The following LRRFIP1 variants were observed in gnomAD, a reference collection of about 807,000 sequenced individuals.
LRRFIP1 encodes leucine-rich repeat flightless-interacting protein 1.
In LRRFIP1, 62 loss-of-function variants were observed where a neutral mutation model predicts 104.4. That is an observed-to-expected ratio of 0.59 (90% CI 0.48 to 0.73). The LOEUF is 0.73. Ranked by LOEUF, LRRFIP1 falls within the 30% of genes least tolerant of loss-of-function variation. The probability of loss-of-function intolerance (pLI) is 0.00; values close to 1 mark genes in which losing one functional copy is unlikely to be tolerated. For missense variants in LRRFIP1, 796 were observed against 824.5 expected, an observed-to-expected ratio of 0.97 and a Z score of 0.42; for synonymous variants, 300 against 299.0, an observed-to-expected ratio of 1.00 and a Z score of -0.03.
chr2:237,723,668 C>T, intron 7 of LRRFIP1, 82 bp downstream of exon 7: 1 of 1,546,232 alleles, frequency 6.5e-7, no homozygotes, highest in Non-Finnish European at 8.9e-7. Context: ...CCACGAATCT[C>T]ATGGGTGCTT....
chr2:237,753,523 C>A, intron 15 of LRRFIP1, 44 bp downstream of exon 15: 1 of 1,481,820 alleles, frequency 6.7e-7, no homozygotes, highest in Non-Finnish European at 9.0e-7. Context: ...AGGCTGCGTG[C>A]AGTGGCCCAT....
At chr2:237,748,799 G>A (rs1388963188) in intron 12 of LRRFIP1, among the ~76,000 whole-genome samples, 1 of 152,138 alleles carries the variant, frequency 6.6e-6, no homozygotes, top group Non-Finnish European at 1.5e-5. Flanking sequence ...GTCTGAAATC[G>A]CATCTGTGTT....
intron 1 of LRRFIP1, among the ~76,000 whole-genome samples, chr2:237,638,183 G>C (rs1179071084): frequency 6.6e-6 from 1 of 152,180 alleles, no homozygotes; most frequent in African/African-American, 2.4e-5. Context: ...TGGGAGCCAA[G>C]AGCTTATTTT....
intron 1 of LRRFIP1, among the ~76,000 whole-genome samples, chr2:237,655,081 G>A (rs566856514): frequency 6.8e-5 from 8 of 117,748 alleles, no homozygotes; most frequent in African/African-American, 2.1e-4. Context: ...ACAGAAAGAC[G>A]AATACCACGT....
intron 1 of LRRFIP1, among the ~76,000 whole-genome samples, chr2:237,704,916 T>A (rs1373919533): frequency 1.3e-5 from 2 of 152,072 alleles, no homozygotes; most frequent in Non-Finnish European, 2.9e-5. Flanking sequence ...GCAAAGGTCA[T>A]TGTTTTTTAG....
intron 1 of LRRFIP1, chr2:237,692,406 C>A: frequency 7.0e-7 from 1 of 1,438,546 alleles, no homozygotes; most frequent in Non-Finnish European, 9.2e-7. Flanking sequence ...GGGCTCCCGG[C>A]GCGGTCCCCG....
At chr2:237,657,189 G>A (rs893379260) in intron 1 of LRRFIP1, among the ~76,000 whole-genome samples, 3 of 152,152 alleles carry the variant, frequency 2.0e-5, no homozygotes, top group African/African-American at 7.2e-5. Context: ...CAGCCAGGCA[G>A]GGGAGCGAAG....
intron 8 of LRRFIP1, among the ~76,000 whole-genome samples, chr2:237,733,117 G>A (rs2095085064): frequency 6.6e-6 from 1 of 152,188 alleles, no homozygotes; most frequent in South Asian, 2.1e-4. Flanking sequence ...AATGAGTCCA[G>A]ATTCTGTCCC....
At chr2:237,709,855 A>ATT (rs112212389) in intron 2 of LRRFIP1, among the ~76,000 whole-genome samples, 24 of 144,690 alleles carry the variant, frequency 1.7e-4, no homozygotes, top group African/African-American at 2.3e-4. Context: ...TATATGTATA[A>ATT]TTTTTTTTTT....
chr2:237,739,616 T>G (rs2095354523), intron 11 of LRRFIP1, among the ~76,000 whole-genome samples: 1 of 152,214 alleles, frequency 6.6e-6, no homozygotes, highest in Non-Finnish European at 1.5e-5. Context: ...AAGTGTTACC[T>G]GTGATCAGAC....
At chr2:237,743,997 G>A (rs2057470456) in intron 11 of LRRFIP1, among the ~76,000 whole-genome samples, 1 of 152,190 alleles carries the variant, frequency 6.6e-6, no homozygotes, top group Non-Finnish European at 1.5e-5. Flanking sequence ...GAAGACAGGA[G>A]CAATGAACTC....
At chr2:237,776,548 G>A (rs535870266) in intron 23 of LRRFIP1, among the ~76,000 whole-genome samples, 85 of 152,158 alleles carry the variant, frequency 5.6e-4, no homozygotes, top group African/African-American at 1.6e-3. Context: ...AGATGATGGT[G>A]GATTTATCTC....
At chr2:237,775,459 TG>T (rs1473465243) in intron 23 of LRRFIP1, among the ~76,000 whole-genome samples, 2 of 152,174 alleles carry the variant, frequency 1.3e-5, no homozygotes, top group Admixed American at 6.5e-5. Context: ...GGACAGGACT[TG>T]GGATCCTCCT....
In LRRFIP1 at chr2:237,717,634, C is replaced by A; in HGVS notation, c.202-128C>A. On this transcript the variant is annotated intron_variant, in intron 3 of 23. Coordinates refer to ENST00000308482, the MANE Select transcript of LRRFIP1 (RefSeq NM_001137550.2). The surrounding 1 kb of genome is among the most constrained non-coding windows in gnomAD (Gnocchi z 4.2). ...CCAGGCCTGGTGCCGACTGCTTTGC[C>A]TTGGCGTGTTACCTTCACCACACGG... The A allele has an allele frequency of 1.3e-6, 1 of 792,744 alleles. No individual in the cohort carries two copies. The highest frequency in any genetic ancestry group is 1.4e-5 in the South Asian group (1 of 72,298). The allele number at this position is 792,744 out of a possible 1,614,324, so 49.1% of individuals were successfully genotyped here.
chr2:237,745,599 C>A (rs924320221), intron 11 of LRRFIP1, among the ~76,000 whole-genome samples: 42 of 152,136 alleles, frequency 2.8e-4, no homozygotes, highest in Admixed American at 7.9e-4. Context: ...GCCCTGCCCC[C>A]CCAAAATCAA....
intron 2 of LRRFIP1, among the ~76,000 whole-genome samples, chr2:237,710,659 C>T (rs72983179): frequency 2.0e-5 from 3 of 152,214 alleles, no homozygotes; most frequent in Non-Finnish European, 4.4e-5. Flanking sequence ...TAAACATATA[C>T]ATATTGATAT....
intron 1 of LRRFIP1, among the ~76,000 whole-genome samples, chr2:237,671,827 T>C (rs1227726905): frequency 6.9e-6 from 1 of 144,882 alleles, no homozygotes; most frequent in Non-Finnish European, 1.5e-5. Flanking sequence ...TGTGTGCACA[T>C]GTGTGTGTGT....
rs766754489 is a variant in LRRFIP1, at chr2:237,692,470, G to T, written c.97-16074G>T. On this transcript the variant is annotated intron_variant, in intron 1 of 23. Coordinates refer to ENST00000308482, the MANE Select transcript of LRRFIP1 (RefSeq NM_001137550.2). ...AGCCCGGCAGGATGACCAGCCCCGC[G>T]GCCGCTCAAAGCCGGGAGATCGACT... The T allele has an allele frequency of 4.3e-5, 66 of 1,530,880 alleles. No homozygotes were observed. The African/African-American group carries it at 9.0e-4, about 21-fold the overall frequency. 94.8% of individuals were successfully genotyped at this position (1,530,880 alleles called of 1,614,324 possible). A position where few individuals can be genotyped will look rare whatever the true frequency, so the allele number is the denominator to read the frequency against.
intron 22 of LRRFIP1, chr2:237,774,022 C>T (rs1307070130): frequency 4.4e-6 from 1 of 226,004 alleles, no homozygotes; most frequent in Non-Finnish European, 8.8e-6. Flanking sequence ...TGGCGGAACA[C>T]GTCCCTTACC....
Sources: gnomAD v4.1 joint callset for allele counts (sites outside exome capture counted in the v4.1 genomes callset) on GRCh38, gnomAD v4.1.1 for gene constraint, Gnocchi (gnomAD v3.1) non-coding constraint, MANE v1.5 for transcripts, NCBI Gene and HGNC (gene_info 2026-07-23, HGNC 2026-07-21) for gene names.